LNX2: variants seen among roughly 807,000 people sequenced by gnomAD.
The protein encoded by LNX2 is ligand of Numb protein X 2.
A neutral mutation model predicts 66.2 loss-of-function variants in LNX2; 35 were observed. The observed-to-expected ratio is 0.53, with a 90% confidence interval of 0.40 to 0.70. LNX2 has a LOEUF of 0.70. Among genes scored for constraint, LNX2 ranks in the 30% least tolerant of loss-of-function variants. LNX2 has a pLI of 0.00. For missense variants in LNX2, 791 were observed against 850.8 expected (o/e 0.93, Z 0.87); for synonymous variants, 337 against 315.6 (o/e 1.07, Z -0.72).
intron 5 of LNX2, among the ~76,000 whole-genome samples, chr13:27,560,554 T>C (rs1955118626): frequency 7.4e-6 from 1 of 134,980 alleles, no homozygotes; most frequent in South Asian, 2.3e-4. Flanking sequence ...CAAGACTTTA[T>C]ATGTATGTGT....
rs1955057079 is a variant in LNX2, at chr13:27,556,130, A to T, written c.1546+106T>A. 6.2e-6 allele frequency: 7 copies of T among 1,135,596 alleles called. No individual in the cohort carries two copies. In the South Asian group the frequency reaches 6.3e-5, roughly 10 times the overall value. 70.3% of individuals were successfully genotyped at this position (1,135,596 alleles called of 1,614,324 possible). ...ATGCAAGGGACAGTTTAAAGAACTT[A>T]AAAAAGTCATGTTTAATAGATACTT... On this transcript the variant is annotated intron_variant, in intron 7 of 9. Coordinates refer to ENST00000316334, the MANE Select transcript of LNX2 (RefSeq NM_153371.4).
chr13:27,619,069 A>C (rs1265693494), intron 1 of LNX2, among the ~76,000 whole-genome samples: 1 of 152,242 alleles, frequency 6.6e-6, no homozygotes, highest in East Asian at 1.9e-4. Context: ...ATGAATAAAT[A>C]ATGAAAAAAT....
At chr13:27,556,739 CTTTTGAG>C (rs1478622205) in intron 6 of LNX2, among the ~76,000 whole-genome samples, 4 of 152,160 alleles carry the variant, frequency 2.6e-5, no homozygotes, top group African/African-American at 7.2e-5. Context: ...GTAAATGATG[CTTTTGAG>C]TTTTAAGATT....
At position 27,556,108 on chromosome 13, in the gene LNX2, C is replaced by T. The variant is rs1955056794; in HGVS notation, c.1546+128G>A. ...TAGAATGACTTTATGCTTCCATATG[C>T]AAGGGACAGTTTAAAGAACTTAAAA... On this transcript the variant is annotated intron_variant, in intron 7 of 9. Coordinates refer to ENST00000316334, the MANE Select transcript of LNX2 (RefSeq NM_153371.4). 8.1e-6 allele frequency: 7 copies of T among 868,774 alleles called. No homozygotes were observed. The South Asian group carries it at 1.3e-4, about 16-fold the overall frequency. 53.8% of individuals were successfully genotyped at this position (868,774 alleles called of 1,614,324 possible).
At chr13:27,584,665 A>C (rs551643762) in intron 1 of LNX2, among the ~76,000 whole-genome samples, 1 of 151,662 alleles carries the variant, frequency 6.6e-6, no homozygotes, top group Non-Finnish European at 1.5e-5. Context: ...CAGCCTGGGC[A>C]ACAAAGCGAG....
chr13:27,586,002 TTATATA>T (rs74967249), intron 1 of LNX2, among the ~76,000 whole-genome samples: 1 of 130,984 alleles, frequency 7.6e-6, no homozygotes, highest in African/African-American at 2.6e-5. Flanking sequence ...ATATATACAC[TTATATA>T]TATATATATA....
At chr13:27,595,696 G>C (rs1955589687) in intron 1 of LNX2, among the ~76,000 whole-genome samples, 1 of 152,148 alleles carries the variant, frequency 6.6e-6, no homozygotes, top group African/African-American at 2.4e-5. Context: ...CGAAAACCCT[G>C]TGTCCTAGCC....
In LNX2 at chr13:27,608,082, C is replaced by T. The variant is rs1955736726; in HGVS notation, c.-101+12293G>A. On this transcript the variant is annotated intron_variant, in intron 1 of 9. Coordinates refer to ENST00000316334, the MANE Select transcript of LNX2 (RefSeq NM_153371.4). ...GTCTTGCTCATTGCTATAGTCTCAC[C>T]ATGTAGAACAGTGCCAGGCACATAA... 2.6e-5 allele frequency among the ~76,000 whole-genome samples: 4 copies of T among 152,174 alleles called. 1 individual carries two copies. The South Asian group carries it at 6.2e-4, about 24-fold the overall frequency.
chr13:27,551,920 C>T (rs116722682), intron 8 of LNX2, among the ~76,000 whole-genome samples: 172 of 152,226 alleles, frequency 1.1e-3, no homozygotes, highest in African/African-American at 3.9e-3. Context: ...TACACTATGC[C>T]GTGTGAAACC....
At chr13:27,551,292 T>C (rs117771183) in intron 8 of LNX2, among the ~76,000 whole-genome samples, 6 of 151,350 alleles carry the variant, frequency 4.0e-5, no homozygotes, top group Non-Finnish European at 7.4e-5. Flanking sequence ...AAAAAGAAAA[T>C]ATATACACAT....
intron 5 of LNX2, among the ~76,000 whole-genome samples, chr13:27,561,446 A>G (rs1002217463): frequency 6.6e-6 from 1 of 152,160 alleles, no homozygotes; most frequent in African/African-American, 2.4e-5. Context: ...CTGCTGGCTA[A>G]TACCCACAGA....
At chr13:27,555,745 C>T (rs1247201490) in intron 7 of LNX2, among the ~76,000 whole-genome samples, 1 of 152,156 alleles carries the variant, frequency 6.6e-6, no homozygotes, top group Non-Finnish European at 1.5e-5. Flanking sequence ...TCAATGGAGA[C>T]TGCTATTTTT....
chr13:27,590,680 A>G (rs540186238), intron 1 of LNX2, among the ~76,000 whole-genome samples: 2 of 152,326 alleles, frequency 1.3e-5, no homozygotes, highest in East Asian at 1.9e-4. Context: ...CTAAAGCTAC[A>G]GAAGAAACTT....
chr13:27,576,480 AC>A (rs1955341244), intron 2 of LNX2, among the ~76,000 whole-genome samples: 1 of 151,670 alleles, frequency 6.6e-6, no homozygotes, highest in Non-Finnish European at 1.5e-5. Flanking sequence ...TCTTCGGGAG[AC>A]CTAGGTGGAG....
chr13:27,567,746 AC>A lies in LNX2; in HGVS notation c.748del (p.Val250TrpfsTer8), dbSNP rs1955224363. ...NPYIQLGISI[V>X]GGNETPLINI... The stretch of plus-strand genomic sequence containing the variant: ...AATCAAAGGTGTTTCGTTGCCACCC[AC>A]AATGCTGATTCCTAACTGAATGTAA... On this transcript the variant is annotated frameshift_variant, in exon 4 of 10. Transcript: ENST00000316334. LOFTEE classifies it high-confidence loss of function. The A allele has an allele frequency of 6.2e-7, 1 of 1,613,866 alleles. No individual in the cohort carries two copies. Among genetic ancestry groups the A allele is most frequent in the Non-Finnish European group, 8.5e-7 (1 of 1,179,950 alleles).
intron 1 of LNX2, among the ~76,000 whole-genome samples, chr13:27,588,649 T>C (rs1448877037): frequency 3.3e-5 from 5 of 152,226 alleles, no homozygotes; most frequent in Admixed American, 3.3e-4. Flanking sequence ...AAAGGGTACA[T>C]GGGATCTCTC....
chr13:27,572,322 CAGGAGACTAGT>C (rs1201746814), intron 2 of LNX2, among the ~76,000 whole-genome samples: 3 of 152,104 alleles, frequency 2.0e-5, no homozygotes, highest in African/African-American at 7.2e-5. Flanking sequence ...CTCAGTGTAG[CAGGAGACTAGT>C]ACAGAGGATA....
chr13:27,561,725 T>C (rs1955138144), intron 5 of LNX2, among the ~76,000 whole-genome samples: 1 of 152,254 alleles, frequency 6.6e-6, no homozygotes, highest in Non-Finnish European at 1.5e-5. Flanking sequence ...TTTTGCTAAC[T>C]TTAAGAAAAA....
In LNX2 at chr13:27,547,373, C is replaced by A. The variant is rs1213701082; in HGVS notation, c.*962G>T. On this transcript the variant is annotated 3_prime_UTR_variant, in exon 10 of 10. Coordinates refer to ENST00000316334, the MANE Select transcript of LNX2 (RefSeq NM_153371.4). The stretch of plus-strand genomic sequence containing the variant: ...TCTAACATTAAGTTATAATTATCAT[C>A]CAAATTCCTTTGTAACTGGATAACA... The A allele has an allele frequency of 6.6e-6, 1 of 152,176 alleles. No individual in the cohort carries two copies. The highest frequency in any genetic ancestry group is 1.5e-5 in the Non-Finnish European group (1 of 68,032). The allele number at this position is 152,176 out of a possible 1,614,324, so 9.4% of individuals were successfully genotyped here.
Sources: gnomAD v4.1 joint callset for allele counts (sites outside exome capture counted in the v4.1 genomes callset) on GRCh38, gnomAD v4.1.1 for gene constraint, MANE v1.5 for transcripts, NCBI Gene and HGNC (gene_info 2026-07-23, HGNC 2026-07-21) for gene names.